Variants in CNTN4 observed in about 807,000 individuals in gnomAD.
CNTN4 encodes contactin 4.
In CNTN4, 77 loss-of-function variants were observed where a neutral mutation model predicts 122.5. The observed-to-expected ratio is 0.63, with a 90% CI of 0.52 to 0.76. The LOEUF is 0.76. Ranked by LOEUF, CNTN4 falls within the 30% of genes least tolerant of loss-of-function variation. The probability of loss-of-function intolerance (pLI) is 0.00; values close to 1 mark genes in which losing one functional copy is unlikely to be tolerated. For missense variants in CNTN4, 1,256 were observed against 1,259.1 expected, an observed-to-expected ratio of 1.00 and a Z score of 0.04; for synonymous variants, 512 against 447.0, an observed-to-expected ratio of 1.15 and a Z score of -1.83.
intron 2 of CNTN4, among the ~76,000 whole-genome samples, chr3:2,248,281 GTTTA>G (rs986723568): frequency 2.7e-4 from 41 of 151,884 alleles, no homozygotes; most frequent in African/African-American, 9.9e-4. Flanking sequence ...AAGCTTTTCA[GTTTA>G]TTTAACCAAA....
intron 2 of CNTN4, among the ~76,000 whole-genome samples, chr3:2,278,236 A>G (rs1195797036): frequency 6.6e-6 from 1 of 152,236 alleles, no homozygotes; most frequent in Non-Finnish European, 1.5e-5. Flanking sequence ...TAAAAATCAG[A>G]ATAACCTCAT....
chr3:2,264,680 G>T (rs1406231981), intron 2 of CNTN4, among the ~76,000 whole-genome samples: 1 of 151,720 alleles, frequency 6.6e-6, no homozygotes, highest in African/African-American at 2.4e-5. Context: ...CTGTGCTTTT[G>T]AGGCCTTACC....
chr3:2,925,539 T>C, intron 12 of CNTN4, 90 bp from the exon 13 acceptor site: 2 of 1,412,300 alleles, frequency 1.4e-6, no homozygotes, highest in East Asian at 2.3e-5. Context: ...AGCAAGACTC[T>C]GTCTCAAAAA....
At chr3:2,615,763 C>A (rs1293734986) in intron 4 of CNTN4, among the ~76,000 whole-genome samples, 2 of 152,002 alleles carry the variant, frequency 1.3e-5, no homozygotes, top group Admixed American at 1.3e-4. Flanking sequence ...CATGAGGTAT[C>A]AAAATTAGCT....
At chr3:3,018,370 A>G (rs1418273567) in intron 14 of CNTN4, among the ~76,000 whole-genome samples, 2 of 152,196 alleles carry the variant, frequency 1.3e-5, no homozygotes, top group Non-Finnish European at 2.9e-5. Flanking sequence ...AGTATTCGCC[A>G]TCTTTTTTAT....
chr3:2,901,600 C>T lies in CNTN4; in HGVS notation c.1077+779C>T, dbSNP rs545047929. Among the ~76,000 whole-genome samples the T allele has an allele frequency of 1.2e-4, 18 of 152,288 alleles. No homozygotes were observed. The South Asian group carries it at 1.9e-3, about 16-fold the overall frequency. On this transcript the variant is annotated intron_variant, in intron 11 of 24. Coordinates refer to ENST00000418658, the MANE Select transcript of CNTN4 (RefSeq NM_175607.3). ...ATAGGTACCTAGGTACTGGTATTTT[C>T]CTTCTTTTGTGTAATTGTTACCAAA...
intron 3 of CNTN4, among the ~76,000 whole-genome samples, chr3:2,480,419 C>G (rs2075958810): frequency 6.6e-6 from 1 of 152,106 alleles, no homozygotes; most frequent in African/African-American, 2.4e-5. Flanking sequence ...AACCGAGATG[C>G]AGGATATCAT....
chr3:2,273,206 T>C (rs1208619050), intron 2 of CNTN4, among the ~76,000 whole-genome samples: 1 of 152,222 alleles, frequency 6.6e-6, no homozygotes, highest in Non-Finnish European at 1.5e-5. Context: ...TTTTAAATTA[T>C]CTGCAAGATT....
At chr3:2,412,313 G>A (rs781408737) in intron 3 of CNTN4, among the ~76,000 whole-genome samples, 9 of 151,696 alleles carry the variant, frequency 5.9e-5, no homozygotes, top group Admixed American at 1.3e-4. Flanking sequence ...GTGCAGTGGC[G>A]CTATCTCGGC....
intron 3 of CNTN4, among the ~76,000 whole-genome samples, chr3:2,426,397 C>G (rs150902328): frequency 3.9e-5 from 6 of 152,272 alleles, no homozygotes; most frequent in Non-Finnish European, 7.3e-5. Context: ...GTTGAAGCAG[C>G]CTTGCATCCC....
chr3:2,224,147 A>C (rs1354357212), intron 2 of CNTN4, among the ~76,000 whole-genome samples: 1 of 152,194 alleles, frequency 6.6e-6, no homozygotes, highest in Non-Finnish European at 1.5e-5. Context: ...TTTCAGAGCT[A>C]CTCCTGTGGC....
chr3:2,151,244 CTA>C (rs1385873002), intron 2 of CNTN4, among the ~76,000 whole-genome samples: 1 of 151,954 alleles, frequency 6.6e-6, no homozygotes, highest in Admixed American at 6.6e-5. Context: ...ATATTTTTGA[CTA>C]TGTGGAAATA....
In CNTN4 at chr3:2,432,670, ATG is replaced by A. The variant is rs1252531674; in HGVS notation, c.-89+93445_-89+93446del. Among the ~76,000 whole-genome samples the A allele has an allele frequency of 2.0e-5, 3 of 151,936 alleles. No homozygotes were observed. In the South Asian group the frequency reaches 6.2e-4, roughly 32 times the overall value. On this transcript the variant is annotated intron_variant, in intron 3 of 24. Coordinates refer to ENST00000418658, the MANE Select transcript of CNTN4 (RefSeq NM_175607.3). ...TGTATATATATGTGTGTGTATATAT[ATG>A]TGTGTGTATGTATATATATACCACA... is the stretch of plus-strand genomic sequence containing the variant.
At chr3:2,212,146 T>G (rs1404388919) in intron 2 of CNTN4, among the ~76,000 whole-genome samples, 2 of 152,016 alleles carry the variant, frequency 1.3e-5, no homozygotes, top group African/African-American at 4.8e-5. Flanking sequence ...TATTTTTTTT[T>G]GTATTTTTTG....
intron 4 of CNTN4, among the ~76,000 whole-genome samples, chr3:2,705,760 AAT>A (rs1170106794): frequency 9.7e-6 from 1 of 103,340 alleles, no homozygotes; most frequent in African/African-American, 4.1e-5. Flanking sequence ...TATAATATAT[AAT>A]ATATATTTAT....
intron 2 of CNTN4, among the ~76,000 whole-genome samples, chr3:2,297,087 C>CA (rs2042341620): frequency 6.6e-6 from 1 of 152,110 alleles, no homozygotes; most frequent in African/African-American, 2.4e-5. Flanking sequence ...AGTCTATTGT[C>CA]AAAATCTGAA....
Position 2,446,846 on chromosome 3 carries a change from G to A in CNTN4, c.-89+107613G>A, listed in dbSNP as rs77002048. 1.4e-3 allele frequency among the ~76,000 whole-genome samples: 211 copies of A among 152,270 alleles called. 2 individuals carry two copies. Among genetic ancestry groups the A allele is most frequent in the African/African-American group, 4.9e-3 (205 of 41,560 alleles). On this transcript the variant is annotated intron_variant, in intron 3 of 24. Coordinates refer to ENST00000418658, the MANE Select transcript of CNTN4 (RefSeq NM_175607.3). ...GAGAAAACCTCTCTGCAGTATTGGA[G>A]AAAGCCAAGTTAAATCCAGCCTGCT...
intron 10 of CNTN4, among the ~76,000 whole-genome samples, chr3:2,891,611 T>C (rs1228976024): frequency 6.6e-6 from 1 of 152,188 alleles, no homozygotes; most frequent in Admixed American, 6.6e-5. Context: ...AGTGCATTGC[T>C]GGCAGAAGGT....
chr3:2,729,849 G>A (rs1397928466), intron 4 of CNTN4, among the ~76,000 whole-genome samples: 1 of 152,172 alleles, frequency 6.6e-6, no homozygotes, highest in Non-Finnish European at 1.5e-5. Flanking sequence ...GGGAGGCGGA[G>A]GTTGCAGTGA....
Sources: allele counts gnomAD v4.1 joint callset (sites outside exome capture counted in the v4.1 genomes callset), GRCh38; gene constraint gnomAD v4.1.1; transcripts MANE v1.5; gene names NCBI Gene and HGNC (gene_info 2026-07-23, HGNC 2026-07-21).